Variants in C8orf34 observed in about 807,000 individuals in gnomAD.
The protein encoded by C8orf34 is chromosome 8 open reading frame 34.
In C8orf34, 65 loss-of-function variants were observed where a neutral mutation model predicts 68.3. The observed-to-expected ratio is 0.95, with a 90% CI of 0.78 to 1.17. The LOEUF (loss-of-function observed/expected upper bound fraction) is 1.17. Ranked by LOEUF, C8orf34 falls within the 50% of genes most tolerant of loss-of-function variation. The pLI is 0.00. For missense variants in C8orf34, 664 were observed against 655.4 expected, an observed-to-expected ratio of 1.01 and a Z score of -0.14; for synonymous variants, 244 against 241.2, an observed-to-expected ratio of 1.01 and a Z score of -0.11.
intron 10 of C8orf34, among the ~76,000 whole-genome samples, chr8:68,725,298 T>C (rs74497361): frequency 1.7e-4 from 26 of 152,310 alleles, no homozygotes; most frequent in African/African-American, 6.0e-4. Flanking sequence ...ATTTTTTAAG[T>C]TATTGTATTC....
At chr8:68,596,205 G>A (rs1817541891) in intron 7 of C8orf34, among the ~76,000 whole-genome samples, 1 of 152,074 alleles carries the variant, frequency 6.6e-6, no homozygotes, top group Non-Finnish European at 1.5e-5. Flanking sequence ...CTCCAGGTAA[G>A]TTTAGGAACT....
At chr8:68,563,920 A>G (rs1194490831) in intron 7 of C8orf34, among the ~76,000 whole-genome samples, 1 of 152,210 alleles carries the variant, frequency 6.6e-6, no homozygotes, top group African/African-American at 2.4e-5. Context: ...ACTGAACACA[A>G]TTTAGCTTCA....
intron 1 of C8orf34, among the ~76,000 whole-genome samples, chr8:68,430,321 A>C (rs1214647623): frequency 6.6e-6 from 1 of 152,164 alleles, no homozygotes; most frequent in Admixed American, 6.6e-5. Context: ...ACTTCACCCT[A>C]TGTATCTCTT....
intron 1 of C8orf34, among the ~76,000 whole-genome samples, chr8:68,424,574 A>T (rs185769433): frequency 1.1e-3 from 169 of 152,266 alleles, no homozygotes; most frequent in African/African-American, 3.9e-3. Context: ...TCAATTACAA[A>T]TATTCTTGAG....
At chr8:68,536,606 T>C (rs796229432) in intron 7 of C8orf34, among the ~76,000 whole-genome samples, 1 of 152,014 alleles carries the variant, frequency 6.6e-6, no homozygotes, top group South Asian at 2.1e-4. Flanking sequence ...AAAATATCAG[T>C]ATTATTTGAA....
chr8:68,586,208 A>T (rs1169285590), intron 7 of C8orf34, among the ~76,000 whole-genome samples: 2 of 152,152 alleles, frequency 1.3e-5, no homozygotes, highest in Non-Finnish European at 2.9e-5. Flanking sequence ...ATATTTATTT[A>T]GTATGTATTA....
At chr8:68,393,922 G>A (rs187427303) in intron 1 of C8orf34, among the ~76,000 whole-genome samples, 2 of 152,200 alleles carry the variant, frequency 1.3e-5, no homozygotes, top group Middle Eastern at 3.4e-3. Context: ...GATGATGGTG[G>A]CTGAGACCAG....
At chr8:68,575,620 A>G (rs1013760431) in intron 7 of C8orf34, among the ~76,000 whole-genome samples, 7 of 152,090 alleles carry the variant, frequency 4.6e-5, no homozygotes, top group African/African-American at 1.7e-4. Flanking sequence ...TCTACAGCTC[A>G]TACACAATGA....
At chr8:68,650,451 GA>G (rs1227222517) in intron 8 of C8orf34, among the ~76,000 whole-genome samples, 1 of 150,816 alleles carries the variant, frequency 6.6e-6, no homozygotes, top group Non-Finnish European at 1.5e-5. Flanking sequence ...CATCGAGCGG[GA>G]AAAGGCTGGC....
At chr8:68,715,563 C>G (rs1231087847) in intron 9 of C8orf34, among the ~76,000 whole-genome samples, 3 of 151,900 alleles carry the variant, frequency 2.0e-5, no homozygotes, top group Admixed American at 1.3e-4. Context: ...CAAATAGAAA[C>G]CACAATGTGA....
At chr8:68,533,737 T>C in intron 7 of C8orf34, 13 of 942,676 alleles carry the variant, frequency 1.4e-5, no homozygotes, top group Non-Finnish European at 1.6e-5. Context: ...TAATGTAGTA[T>C]ATGTATGTTT....
chr8:68,500,572 C>G (rs935597457), intron 5 of C8orf34, among the ~76,000 whole-genome samples: 4 of 152,116 alleles, frequency 2.6e-5, no homozygotes, highest in Admixed American at 1.3e-4. Context: ...ATATCTGCAA[C>G]TTACTTTCCA....
At chr8:68,708,325 T>C (rs750499115) in intron 8 of C8orf34, among the ~76,000 whole-genome samples, 2 of 152,248 alleles carry the variant, frequency 1.3e-5, no homozygotes, top group Non-Finnish European at 1.5e-5. Flanking sequence ...TATGAGATTC[T>C]GCTGTGGTAT....
At position 68,417,516 on chromosome 8, in the gene C8orf34, T is replaced by G. The variant is rs1809728708; in HGVS notation, c.328-21983T>G. On this transcript the variant is annotated intron_variant, in intron 1 of 13. Transcript: ENST00000518698. ...AATATCTAAAGGATATGTTATTAAA[T>G]GAACAAGTAAAGTATATAAAATTAT... 2.0e-5 allele frequency among the ~76,000 whole-genome samples: 3 copies of G among 152,202 alleles called. No individual in the cohort carries two copies. In the South Asian group the frequency reaches 6.2e-4, roughly 32 times the overall value.
chr8:68,375,766 A>G (rs978110720), intron 1 of C8orf34, among the ~76,000 whole-genome samples: 30 of 152,234 alleles, frequency 2.0e-4, no homozygotes, highest in African/African-American at 6.5e-4. Flanking sequence ...GTCAGCATTT[A>G]TTTAGGGAGT....
intron 7 of C8orf34, among the ~76,000 whole-genome samples, chr8:68,633,652 A>T (rs1818755158): frequency 6.6e-6 from 1 of 152,188 alleles, no homozygotes; most frequent in African/African-American, 2.4e-5. Flanking sequence ...CTAAATTTTT[A>T]TCTACTTGCA....
chr8:68,763,453 T>C (rs1823078311), intron 10 of C8orf34, among the ~76,000 whole-genome samples: 1 of 152,210 alleles, frequency 6.6e-6, no homozygotes, highest in Non-Finnish European at 1.5e-5. Flanking sequence ...TTTTTCTTCT[T>C]CTTCTATTCT....
At chr8:68,448,871 A>G (rs1811227202) in intron 3 of C8orf34, among the ~76,000 whole-genome samples, 1 of 152,210 alleles carries the variant, frequency 6.6e-6, no homozygotes, top group Non-Finnish European at 1.5e-5. Flanking sequence ...TATCAAACCA[A>G]ATAAAAATTT....
At chr8:68,749,293 C>T (rs1207711178) in intron 10 of C8orf34, among the ~76,000 whole-genome samples, 2 of 150,106 alleles carry the variant, frequency 1.3e-5, no homozygotes, top group Admixed American at 1.3e-4. Context: ...TGCGAGATGA[C>T]GAGTTAGAGG....
Sources: allele counts gnomAD v4.1 joint callset (sites outside exome capture counted in the v4.1 genomes callset), GRCh38; gene constraint gnomAD v4.1.1; transcripts MANE v1.5; gene names NCBI Gene and HGNC (gene_info 2026-07-23, HGNC 2026-07-21).